ANO6: variants seen among roughly 807,000 people sequenced by gnomAD.
ANO6 encodes anoctamin-6.
ANO6 carries 106 observed loss-of-function variants against 117.5 expected under a neutral mutation model. That is an observed-to-expected ratio of 0.90 (90% confidence interval 0.77 to 1.06). The LOEUF (loss-of-function observed/expected upper bound fraction) is 1.06. ANO6 is among the 50% of genes least tolerant of loss of function. The probability of loss-of-function intolerance (pLI) is 0.00; values close to 1 mark genes in which losing one functional copy is unlikely to be tolerated. For missense variants in ANO6, 955 were observed against 1,121.1 expected, an observed-to-expected ratio of 0.85 and a Z score of 2.12; for synonymous variants, 367 against 385.1, an observed-to-expected ratio of 0.95 and a Z score of 0.55.
intron 1 of ANO6, among the ~76,000 whole-genome samples, chr12:45,260,265 C>A (rs926432193): frequency 2.6e-5 from 4 of 152,218 alleles, no homozygotes; most frequent in African/African-American, 9.7e-5. Flanking sequence ...TTTCCATTAT[C>A]CTTGCTTTGT....
intron 1 of ANO6, among the ~76,000 whole-genome samples, chr12:45,237,299 T>C (rs1173568491): frequency 2.0e-5 from 3 of 152,224 alleles, no homozygotes; most frequent in African/African-American, 7.2e-5. Flanking sequence ...AAGTCCTTGC[T>C]GATGCCTATG....
At chr12:45,352,449 G>A (rs1941302024) in intron 7 of ANO6, among the ~76,000 whole-genome samples, 1 of 151,574 alleles carries the variant, frequency 6.6e-6, no homozygotes, top group Non-Finnish European at 1.5e-5. Context: ...AAGGAAGGCT[G>A]GGTGAGATGA....
At chr12:45,304,853 A>T (rs1016729541) in intron 2 of ANO6, among the ~76,000 whole-genome samples, 2 of 152,214 alleles carry the variant, frequency 1.3e-5, no homozygotes, top group African/African-American at 4.8e-5. Flanking sequence ...AGTTAGGTAA[A>T]GCCAGCACTG....
chr12:45,372,060 G>A (rs1387830644), intron 9 of ANO6, among the ~76,000 whole-genome samples: 3 of 151,898 alleles, frequency 2.0e-5, no homozygotes, highest in Non-Finnish European at 4.4e-5. Context: ...ACTACGTGAA[G>A]AATGCAGAAG....
chr12:45,241,156 G>T (rs896612322), intron 1 of ANO6, among the ~76,000 whole-genome samples: 1 of 152,190 alleles, frequency 6.6e-6, no homozygotes, highest in African/African-American at 2.4e-5. Flanking sequence ...TTCCAATTTA[G>T]TTCCATTCTC....
At chr12:45,316,314 A>T (rs1940023356) in intron 2 of ANO6, among the ~76,000 whole-genome samples, 1 of 152,096 alleles carries the variant, frequency 6.6e-6, no homozygotes, top group Non-Finnish European at 1.5e-5. Flanking sequence ...CTCAACAATT[A>T]AAGTTGTGAG....
chr12:45,328,157 C>T (rs893600555), intron 2 of ANO6, among the ~76,000 whole-genome samples: 3 of 152,100 alleles, frequency 2.0e-5, no homozygotes, highest in Admixed American at 6.6e-5. Flanking sequence ...TGCTTCTTTG[C>T]TGTCTGCACA....
At chr12:45,353,106 A>G (rs970196223) in intron 7 of ANO6, among the ~76,000 whole-genome samples, 1 of 146,530 alleles carries the variant, frequency 6.8e-6, no homozygotes, top group Admixed American at 6.7e-5. Flanking sequence ...AATACGTGAT[A>G]CGTGGAGTTG....
chr12:45,221,283 C>G (rs1419336778), intron 1 of ANO6, among the ~76,000 whole-genome samples: 2 of 152,176 alleles, frequency 1.3e-5, no homozygotes, highest in Non-Finnish European at 2.9e-5. Flanking sequence ...GTTTGGTTTT[C>G]TCTGCATCAT....
At chr12:45,306,810 G>T (rs1243402140) in intron 2 of ANO6, among the ~76,000 whole-genome samples, 1 of 151,662 alleles carries the variant, frequency 6.6e-6, no homozygotes, top group Non-Finnish European at 1.5e-5. Flanking sequence ...TAGAGAAAAA[G>T]TAGGGATTAT....
chr12:45,237,977 T>C (rs184129198), intron 1 of ANO6, among the ~76,000 whole-genome samples: 76 of 152,248 alleles, frequency 5.0e-4, no homozygotes, highest in Admixed American at 1.0e-3. Context: ...TTTTATTCTC[T>C]TTGTAGCAGT....
At chr12:45,279,186 A>G (rs932115285) in intron 1 of ANO6, among the ~76,000 whole-genome samples, 3 of 152,034 alleles carry the variant, frequency 2.0e-5, no homozygotes, top group East Asian at 1.9e-4. Context: ...TGGAGGTCCA[A>G]CTCCTCAATA....
At chr12:45,358,835 C>T (rs895057529) in intron 8 of ANO6, among the ~76,000 whole-genome samples, 1 of 149,960 alleles carries the variant, frequency 6.7e-6, no homozygotes, top group Non-Finnish European at 1.5e-5. Context: ...CCCAGGCTGG[C>T]GTGCAGTGGC....
At chr12:45,319,289 C>A (rs1940169843) in intron 2 of ANO6, among the ~76,000 whole-genome samples, 3 of 152,158 alleles carry the variant, frequency 2.0e-5, no homozygotes, top group Admixed American at 2.0e-4. Flanking sequence ...AGATACATTC[C>A]ATCAATACCT....
chr12:45,307,886 T>C (rs1430385802), intron 2 of ANO6, among the ~76,000 whole-genome samples: 1 of 151,884 alleles, frequency 6.6e-6, no homozygotes, highest in Non-Finnish European at 1.5e-5. Context: ...GAATTGACCA[T>C]TGTATTTAAC....
At chr12:45,312,427 G>A (rs1939878893) in intron 2 of ANO6, among the ~76,000 whole-genome samples, 1 of 152,030 alleles carries the variant, frequency 6.6e-6, no homozygotes. Flanking sequence ...GAATTCACAA[G>A]ATTCCCAGAA....
At chr12:45,292,980 T>A in intron 1 of ANO6, 1 of 1,550,736 alleles carries the variant, frequency 6.4e-7, no homozygotes, top group South Asian at 1.2e-5. Context: ...CAGTGAGCAG[T>A]GGGCAGAGTG....
chr12:45,256,785 TA>T (rs1425064844), intron 1 of ANO6: 1 of 152,246 alleles, frequency 6.6e-6, no homozygotes, highest in Non-Finnish European at 1.5e-5. Flanking sequence ...ATAAAATGTA[TA>T]AAATTATTCA....
chr12:45,342,697 C>G (rs1416348292), intron 3 of ANO6, among the ~76,000 whole-genome samples: 2 of 152,158 alleles, frequency 1.3e-5, no homozygotes, highest in African/African-American at 4.8e-5. Flanking sequence ...TTTATTCATT[C>G]ATCAGACATT....
Sources: allele counts gnomAD v4.1 joint callset (sites outside exome capture counted in the v4.1 genomes callset), GRCh38; gene constraint gnomAD v4.1.1; transcripts MANE v1.5; gene names NCBI Gene and HGNC (gene_info 2026-07-23, HGNC 2026-07-21).